Variants in SYNE2 observed in about 807,000 individuals in gnomAD.
SYNE2 encodes the protein spectrin repeat containing nuclear envelope protein 2.
Under a neutral mutation model 856.3 loss-of-function variants are expected in SYNE2, and 431 were observed. The observed-to-expected ratio is 0.50, with a 90% CI of 0.47 to 0.55. The LOEUF is 0.55. SYNE2 is among the 20% of genes least tolerant of loss of function. The pLI is 0.00. For missense variants in SYNE2, 8,129 were observed against 8,023.2 expected (o/e 1.01, Z -0.50); for synonymous variants, 2,923 against 2,872.3 (o/e 1.02, Z -0.56).
At chr14:64,065,408 A>ATTTTTTTTT in intron 50 of SYNE2, 24 bp from the exon 51 acceptor site, 1 of 1,599,126 alleles carries the variant, frequency 6.3e-7, no homozygotes, top group Non-Finnish European at 8.6e-7. Flanking sequence ...TGTCCCTCTT[A>ATTTTTTTTT]TTTTTTTTCT....
intron 2 of SYNE2, among the ~76,000 whole-genome samples, chr14:63,917,122 G>C (rs189727865): frequency 1.3e-5 from 2 of 152,004 alleles, no homozygotes; most frequent in South Asian, 2.1e-4. Context: ...TTTAATAAAG[G>C]CTTCTGGGTG....
chr14:64,158,964 C>T (rs2098307578), intron 86 of SYNE2, among the ~76,000 whole-genome samples, 169 bp downstream of exon 86: 1 of 151,922 alleles, frequency 6.6e-6, no homozygotes, highest in Non-Finnish European at 1.5e-5. Flanking sequence ...GTCACATGAG[C>T]CAAATCAGTA....
chr14:64,124,931 A>C (rs756066366), intron 70 of SYNE2, 148 bp from the exon 71 acceptor site: 8 of 938,768 alleles, frequency 8.5e-6, no homozygotes, highest in Non-Finnish European at 1.1e-5. Flanking sequence ...TGAACATGGG[A>C]GACAGAGGTT....
chr14:64,090,336 T>G (rs1321120873), intron 59 of SYNE2, among the ~76,000 whole-genome samples: 2 of 152,234 alleles, frequency 1.3e-5, no homozygotes, highest in Non-Finnish European at 2.9e-5. Flanking sequence ...ATATGAGATA[T>G]GACTTAGTAC....
intron 103 of SYNE2, among the ~76,000 whole-genome samples, chr14:64,210,644 T>C (rs1376273378): frequency 6.6e-6 from 1 of 152,244 alleles, no homozygotes; most frequent in East Asian, 1.9e-4. Context: ...AAGGTAAATA[T>C]TCACCTTAGA....
chr14:63,973,970 C>T (rs2096505531), intron 11 of SYNE2, among the ~76,000 whole-genome samples: 1 of 152,174 alleles, frequency 6.6e-6, no homozygotes, highest in Non-Finnish European at 1.5e-5. Flanking sequence ...GGGCTCATGC[C>T]TGCAATCCCA....
At position 64,137,182 on chromosome 14, in the gene SYNE2, GGGTT is replaced by G. The variant is rs930270779; in HGVS notation, c.14647-592_14647-589del. Among the ~76,000 whole-genome samples, 9 of 152,184 alleles carry G rather than the reference GGGTT, an allele frequency of 5.9e-5. No individual in the cohort carries two copies. The South Asian group carries it at 8.3e-4, about 14-fold the overall frequency. On this transcript the variant is annotated intron_variant, in intron 78 of 115. Transcript: ENST00000555002. Reference sequence around the variant, plus strand: ...TGCAATAAGTCTATAAAGTTGATTTGGGTTGGTTGGTTGGTTTGTTTTGTTTTGT... The same window carrying G: ...TGCAATAAGTCTATAAAGTTGATTTGGGTTGGTTGGTTTGTTTTGTTTTGT...
chr14:63,875,398 A>C (rs781456875), intron 1 of SYNE2, among the ~76,000 whole-genome samples: 5 of 152,200 alleles, frequency 3.3e-5, no homozygotes, highest in African/African-American at 4.8e-5. Flanking sequence ...GTGATTCCCA[A>C]AACCCTTTAC....
At chr14:64,140,165 T>C in intron 80 of SYNE2, 92 bp downstream of exon 80, 2 of 1,311,434 alleles carry the variant, frequency 1.5e-6, no homozygotes, top group Non-Finnish European at 1.1e-6. Context: ...TCTTCGTATT[T>C]ATTTGTGGAT....
At chr14:63,930,334 T>C (rs897082002) in intron 2 of SYNE2, among the ~76,000 whole-genome samples, 12 of 151,528 alleles carry the variant, frequency 7.9e-5, no homozygotes, top group Non-Finnish European at 1.6e-4. Flanking sequence ...TTGTGAATTA[T>C]ACACTTTAAA....
intron 65 of SYNE2, among the ~76,000 whole-genome samples, chr14:64,110,821 C>G (rs1383815737): frequency 2.0e-5 from 3 of 152,032 alleles, no homozygotes; most frequent in Admixed American, 2.0e-4. Context: ...ATTGAACATT[C>G]TGTGCACTTG....
intron 63 of SYNE2, among the ~76,000 whole-genome samples, chr14:64,101,137 C>T (rs2097725698): frequency 6.6e-6 from 1 of 152,124 alleles, no homozygotes; most frequent in South Asian, 2.1e-4. Context: ...ATCTCTTTGA[C>T]ATACTGAGTT....
chr14:64,138,091 TC>T (rs1252788546), intron 79 of SYNE2, 108 bp downstream of exon 79: 6 of 1,303,618 alleles, frequency 4.6e-6, no homozygotes, highest in Non-Finnish European at 6.5e-6. Context: ...TGCTGTTTTT[TC>T]TTGGGCAGTC....
chr14:63,995,353 G>T lies in SYNE2; in HGVS notation c.2940+151G>T, dbSNP rs1255913. On this transcript the variant is annotated intron_variant, in intron 23 of 115. Transcript: ENST00000555002. The stretch of plus-strand genomic sequence containing the variant: ...ATGATCACTTCTTTGCTTCACACTC[G>T]CAGCAGAGCCTGTACTTCTTACTTT... 221,584 of 596,638 alleles carry T rather than the reference G, an allele frequency of 0.37. 43,615 individuals carry two copies. The highest frequency in any genetic ancestry group is 0.55 in the African/African-American group (29,279 of 53,234). The allele number at this position is 596,638 out of a possible 1,614,324, so 37.0% of individuals were successfully genotyped here. A position where few individuals can be genotyped will look rare whatever the true frequency, so the allele number is the denominator to read the frequency against.
At chr14:63,964,226 A>G (rs1049844691) in intron 10 of SYNE2, among the ~76,000 whole-genome samples, 1 of 152,200 alleles carries the variant, frequency 6.6e-6, no homozygotes, top group African/African-American at 2.4e-5. Flanking sequence ...GGCAGGGCCC[A>G]AGTTTTTGTG....
intron 45 of SYNE2, among the ~76,000 whole-genome samples, chr14:64,041,849 TA>T (rs33974614): frequency 0.86 from 123,312 of 143,944 alleles, 52,809 homozygotes; most frequent in Non-Finnish European, 0.89. Flanking sequence ...GACCCTTTCT[TA>T]AAAAAAAAAA....
intron 1 of SYNE2, among the ~76,000 whole-genome samples, chr14:63,831,353 T>C (rs923449303): frequency 5.3e-5 from 8 of 152,086 alleles, no homozygotes; most frequent in African/African-American, 1.9e-4. Context: ...ACAAGGATTT[T>C]GTTTTTTTAC....
intron 10 of SYNE2, among the ~76,000 whole-genome samples, chr14:63,964,660 G>A (rs896442361): frequency 2.6e-5 from 4 of 152,120 alleles, no homozygotes; most frequent in Admixed American, 6.5e-5. Flanking sequence ...GAGTAGCTGA[G>A]ATTACAGGCA....
intron 45 of SYNE2, among the ~76,000 whole-genome samples, chr14:64,038,363 C>T (rs2097117768): frequency 6.6e-6 from 1 of 152,134 alleles, no homozygotes; most frequent in African/African-American, 2.4e-5. Flanking sequence ...CCAGACTGGG[C>T]AGCCAGGCAG....
Sources: allele counts gnomAD v4.1 joint callset (sites outside exome capture counted in the v4.1 genomes callset), GRCh38; gene constraint gnomAD v4.1.1; transcripts MANE v1.5; gene names NCBI Gene and HGNC (gene_info 2026-07-23, HGNC 2026-07-21).